NEU3: variants seen among roughly 807,000 people sequenced by gnomAD.
NEU3 encodes the protein neuraminidase 3, also known as sialidase-3.
In NEU3, 10 loss-of-function variants were observed where a neutral mutation model predicts 11.4. The ratio of observed to expected loss-of-function variants is 0.88; its 90% confidence interval spans 0.54 to 1.49. NEU3 has a LOEUF of 1.49. Among genes scored for constraint, NEU3 ranks in the 40% most tolerant of loss-of-function variants. NEU3 has a pLI of 0.00. For missense variants in NEU3, 529 were observed against 581.8 expected (o/e 0.91, Z 0.93); for synonymous variants, 212 against 228.2 (o/e 0.93, Z 0.64).
intron 2 of NEU3, among the ~76,000 whole-genome samples, chr11:75,002,013 T>G (rs1443530756): frequency 2.0e-5 from 3 of 152,200 alleles, no homozygotes; most frequent in Non-Finnish European, 4.4e-5. Context: ...TTCCGTGGGA[T>G]GGGAGTTAGC....
At chr11:75,011,019 A>ACTT (rs2140257207), downstream of NEU3, 1 of 152,240 alleles carries the variant, frequency 6.6e-6, no homozygotes, top group South Asian at 2.1e-4. Context: ...TTTCATAAGA[A>ACTT]CTTTTACTCT....
rs559612647 is a variant in NEU3 at position 74,994,611 on chromosome 11, C to G, written c.197C>G (p.Pro66Arg). 6.2e-7 allele frequency: 1 copy of G among 1,613,758 alleles called. No individual in the cohort carries two copies. Among genetic ancestry groups the G allele is most frequent in the South Asian group, 1.1e-5 (1 of 91,070 alleles). Residue 66 changes from proline to arginine, a missense_variant, in exon 2 of 3, where the codon CCC (proline) becomes CGC (arginine). Pro to Arg is a moderately radical substitution (Grantham distance 103). Transcript: ENST00000294064. ...TYRIPALLYI[P>R]PTHTFLAFAE... ...CGGATCCCAGCCCTGCTCTACATAC[C>G]CCCCACCCACACCTTCCTGGCCTTT... is the stretch of plus-strand genomic sequence containing the variant.
intron 3 of NEU3, among the ~76,000 whole-genome samples, chr11:75,017,459 T>C (rs1181165477): frequency 6.6e-6 from 1 of 152,214 alleles, no homozygotes. Flanking sequence ...AAATGAGGCC[T>C]GAAATCCAGC....
At chr11:74,983,194 A>G in the NEU3 span, among the ~76,000 whole-genome samples, 1 of 152,166 alleles carries the variant, frequency 6.6e-6, no homozygotes, top group Admixed American at 6.5e-5. Context: ...TGACCTGTGG[A>G]TGGAGCCTCT....
chr11:74,993,436 C>A (rs572861115), intron 1 of NEU3, among the ~76,000 whole-genome samples: 4 of 152,162 alleles, frequency 2.6e-5, no homozygotes, highest in African/African-American at 9.7e-5. Flanking sequence ...GATCTCCTGA[C>A]CTCGTGATCC....
chr11:75,005,676 C>A lies in NEU3; in HGVS notation c.570C>A (p.Ala190=). 1 of 1,614,006 alleles carries A rather than the reference C, an allele frequency of 6.2e-7. No individual in the cohort carries two copies. Among genetic ancestry groups the A allele is most frequent in the Non-Finnish European group, 8.5e-7 (1 of 1,179,886 alleles). Residue 190 remains alanine (A), a synonymous_variant, in exon 3 of 3, where the codon GCC becomes GCA. Coordinates refer to ENST00000294064, the MANE Select transcript of NEU3 (RefSeq NM_006656.6). ...TTGGCTCAGAGCTGAAGCACTGGGC[C>A]ACATTTGCTGTGGGCCCAGGTCATG... ...EVIGSELKHW[A]TFAVGPGHGI... is the part of the protein sequence containing the mutation.
At chr11:74,982,859 A>G in the NEU3 span, among the ~76,000 whole-genome samples, 1 of 152,126 alleles carries the variant, frequency 6.6e-6, no homozygotes, top group African/African-American at 2.4e-5. Flanking sequence ...CTTCCTAGTA[A>G]CAACTGTCTC....
intron 2 of NEU3, among the ~76,000 whole-genome samples, chr11:75,000,110 T>C (rs910714217): frequency 6.6e-6 from 1 of 152,202 alleles, no homozygotes; most frequent in African/African-American, 2.4e-5. Context: ...TTCCCTTTAA[T>C]GCAATTGAAA....
At position 74,988,955 on chromosome 11, in the gene NEU3, C is replaced by A; in HGVS notation, c.-106C>A. On this transcript the variant is annotated 5_prime_UTR_variant, in exon 1 of 3. Transcript: ENST00000294064. ...GGCAGTCGACACGCTCTTCGCTTCT[C>A]GGGGCTTGTCTCCGTGTCCTCCGTC... The A allele has an allele frequency of 1.2e-6, 1 of 859,370 alleles. No individual in the cohort carries two copies. 53.2% of individuals were successfully genotyped at this position (859,370 alleles called of 1,614,324 possible).
chr11:75,009,591 TA>T lies in NEU3; in HGVS notation c.*3101del. On this transcript the variant is annotated 3_prime_UTR_variant, in exon 3 of 3. Transcript: ENST00000294064. ...AAGAGGAAAGCAGAAGGGTGGCCTATAATCTACAGGCATGTAGAGAGGACTA... is the reference window on the plus strand; with the variant it reads ...AAGAGGAAAGCAGAAGGGTGGCCTATATCTACAGGCATGTAGAGAGGACTA... 6.6e-6 allele frequency: 1 copy of T among 152,496 alleles called. No individual in the cohort carries two copies. Among genetic ancestry groups the T allele is most frequent in the African/African-American group, 2.4e-5 (1 of 41,568 alleles). 9.4% of individuals were successfully genotyped at this position (152,496 alleles called of 1,614,324 possible). A position where few individuals can be genotyped will look rare whatever the true frequency, so the allele number is the denominator to read the frequency against.
chr11:75,001,816 C>T (rs930037212), intron 2 of NEU3, among the ~76,000 whole-genome samples: 5 of 152,232 alleles, frequency 3.3e-5, no homozygotes, highest in African/African-American at 9.6e-5. Flanking sequence ...GATGACTAAA[C>T]TTCTGACTTC....
intron 2 of NEU3, among the ~76,000 whole-genome samples, chr11:75,001,285 C>CTTTTTTTTTTTT (rs775188864): frequency 4.6e-5 from 6 of 130,084 alleles, no homozygotes; most frequent in Non-Finnish European, 6.7e-5. Context: ...TTTTTTTTTT[C>CTTTTTTTTTTTT]TTTTTTTTTT....
At chr11:75,015,073 G>A (rs1948975226), downstream of NEU3, among the ~76,000 whole-genome samples, 1 of 152,142 alleles carries the variant, frequency 6.6e-6, no homozygotes, top group South Asian at 2.1e-4. Context: ...CTGGATATAT[G>A]TGTCCTCCGC....
At chr11:75,004,067 A>G (rs139594500) in intron 2 of NEU3, among the ~76,000 whole-genome samples, 1 of 152,286 alleles carries the variant, frequency 6.6e-6, no homozygotes, top group Non-Finnish European at 1.5e-5. Flanking sequence ...TAATTTGATG[A>G]GCAGATATAT....
chr11:75,005,753 T>C lies in NEU3; in HGVS notation c.647T>C (p.Ile216Thr). The C allele has an allele frequency of 1.9e-6, 3 of 1,613,852 alleles. No individual in the cohort carries two copies. The highest frequency in any genetic ancestry group is 2.5e-6 in the Non-Finnish European group (3 of 1,179,760). ...GTCATCCCTGCGTATACCTACTACA[T>C]CCCTTCCTGGTTCTTTTGCTTCCAG... ...RLVIPAYTYY[I>T]PSWFFCFQLP... The change falls in exon 3 of 3, where the codon ATC becomes ACC. Residue 216 changes from isoleucine to threonine, a missense_variant. Physicochemically the swap from Ile to Thr is moderately conservative, Grantham distance 89. Transcript: ENST00000294064.
At chr11:74,995,056 C>T in intron 2 of NEU3, 1 of 556,594 alleles carries the variant, frequency 1.8e-6, no homozygotes, top group Non-Finnish European at 3.2e-6. Context: ...ACTCCAGAGA[C>T]CTCCACAGTT....
chr11:75,001,130 G>GGT (rs151122560), intron 2 of NEU3, among the ~76,000 whole-genome samples: 3 of 151,692 alleles, frequency 2.0e-5, no homozygotes, highest in Admixed American at 6.6e-5. Flanking sequence ...GTCATTTTCT[G>GGT]GTGTGTGTGT....
chr11:74,988,857 G>A, upstream of NEU3: 1 of 569,976 alleles, frequency 1.8e-6, no homozygotes, highest in African/African-American at 2.0e-5. Flanking sequence ...TCGCGGAGTA[G>A]GCCAACGGTT....
chr11:74,992,134 A>G (rs1231216484), intron 1 of NEU3, among the ~76,000 whole-genome samples: 1 of 152,214 alleles, frequency 6.6e-6, no homozygotes, highest in Non-Finnish European at 1.5e-5. Flanking sequence ...ATCTGAAACG[A>G]GTGTTCCAGG....
Sources: gnomAD v4.1 joint callset for allele counts (sites outside exome capture counted in the v4.1 genomes callset) on GRCh38, gnomAD v4.1.1 for gene constraint, MANE v1.5 for transcripts, NCBI Gene and HGNC (gene_info 2026-07-23, HGNC 2026-07-21) for gene names.